Variants in GRB14 observed in about 807,000 individuals in gnomAD.
GRB14 encodes the protein growth factor receptor-bound protein 14.
In GRB14, 38 loss-of-function variants were observed where a neutral mutation model predicts 69.1. That is an observed-to-expected ratio of 0.55 (90% CI 0.42 to 0.72). The LOEUF (loss-of-function observed/expected upper bound fraction) is 0.72. Among genes scored for constraint, GRB14 ranks in the 30% least tolerant of loss-of-function variants. GRB14 has a pLI of 0.00. For missense variants in GRB14, 666 were observed against 666.1 expected (o/e 1.00, Z 0.00); for synonymous variants, 247 against 241.3 (o/e 1.02, Z -0.22).
chr2:164,543,203 A>T (rs1474862348), intron 3 of GRB14, among the ~76,000 whole-genome samples: 2 of 152,070 alleles, frequency 1.3e-5, no homozygotes, highest in Non-Finnish European at 2.9e-5. Context: ...CTGAAGGCTG[A>T]TGCACAAGAA....
chr2:164,555,043 T>G (rs1688643627), intron 2 of GRB14, among the ~76,000 whole-genome samples: 1 of 152,208 alleles, frequency 6.6e-6, no homozygotes, highest in Non-Finnish European at 1.5e-5. Context: ...TCAGTATGTA[T>G]CACCTTGCTC....
Position 164,497,203 on chromosome 2 carries a change from A to G in GRB14, c.1294+8T>C, listed in dbSNP as rs1278961437. 6.2e-7 allele frequency: 1 copy of G among 1,612,382 alleles called. No individual in the cohort carries two copies. Among genetic ancestry groups the G allele is most frequent in the Admixed American group, 1.7e-5 (1 of 59,994 alleles). Reference sequence around the variant, plus strand: ...CTACTCAGTGGCAATGACTATGAACAGACATACCCATGTTTGTGGCAGAGC... The same window carrying G: ...CTACTCAGTGGCAATGACTATGAACGGACATACCCATGTTTGTGGCAGAGC... On this transcript the variant is annotated splice_region_variant and intron_variant, in intron 11 of 13. Transcript: ENST00000263915.
chr2:164,620,137 T>A (rs1411039524), intron 1 of GRB14, among the ~76,000 whole-genome samples: 1 of 139,398 alleles, frequency 7.2e-6, no homozygotes, highest in African/African-American at 2.6e-5. Context: ...AGAAACTCCA[T>A]CACTTTTGAT....
At chr2:164,605,259 G>A (rs1437556190) in intron 2 of GRB14, among the ~76,000 whole-genome samples, 2 of 152,104 alleles carry the variant, frequency 1.3e-5, no homozygotes, top group South Asian at 2.1e-4. Flanking sequence ...GAAATAAAGA[G>A]GAGCCAAAGA....
intron 2 of GRB14, among the ~76,000 whole-genome samples, chr2:164,600,612 G>A (rs1439629898): frequency 6.6e-6 from 1 of 152,158 alleles, no homozygotes; most frequent in Admixed American, 6.5e-5. Context: ...GTCCAAGGAT[G>A]AGACCCAGGG....
At position 164,620,078 on chromosome 2, in the gene GRB14, T is replaced by A. The variant is rs74169433; in HGVS notation, c.192-259A>T. Reference sequence around the variant, plus strand: ...TCTCTCTCTCCCCTCCCACCACCCCTCCCCCCCCCACCGCCTTCTCTCTCT... The same window carrying A: ...TCTCTCTCTCCCCTCCCACCACCCCACCCCCCCCCACCGCCTTCTCTCTCT... On this transcript the variant is annotated intron_variant, in intron 1 of 13. Transcript: ENST00000263915. The A allele has an allele frequency of 1.8e-4, 6 of 32,650 alleles. 1 individual carries two copies. The highest frequency in any genetic ancestry group is 1.0e-3 in the East Asian group (2 of 1,946). The allele number at this position is 32,650 out of a possible 1,614,324, so 2.0% of individuals were successfully genotyped here. A position where few individuals can be genotyped will look rare whatever the true frequency, so the allele number is the denominator to read the frequency against.
intron 2 of GRB14, among the ~76,000 whole-genome samples, chr2:164,555,628 ATAT>A (rs1194667345): frequency 6.6e-6 from 1 of 150,446 alleles, no homozygotes; most frequent in Admixed American, 6.6e-5. Context: ...AATAATTTAA[ATAT>A]TATATTTATT....
chr2:164,550,157 C>T (rs368394884), intron 2 of GRB14, among the ~76,000 whole-genome samples: 1 of 152,056 alleles, frequency 6.6e-6, no homozygotes, highest in South Asian at 2.1e-4. Context: ...GAATTTTAGT[C>T]AATGGAATGT....
chr2:164,526,875 G>T, intron 4 of GRB14, 139 bp downstream of exon 4: 1 of 408,758 alleles, frequency 2.4e-6, no homozygotes, highest in Non-Finnish European at 4.3e-6. Flanking sequence ...AAGAAATATG[G>T]GTATAATTTC....
intron 2 of GRB14, among the ~76,000 whole-genome samples, chr2:164,569,865 T>G (rs1310957972): frequency 1.3e-5 from 2 of 152,100 alleles, no homozygotes; most frequent in Non-Finnish European, 2.9e-5. Flanking sequence ...AAAAGAAAAT[T>G]ACCAAGAAAG....
chr2:164,506,917 C>A (rs1687206139), intron 8 of GRB14, among the ~76,000 whole-genome samples: 1 of 152,020 alleles, frequency 6.6e-6, no homozygotes, highest in Non-Finnish European at 1.5e-5. Context: ...GAAATACCTA[C>A]AATAGGTAAA....
intron 6 of GRB14, among the ~76,000 whole-genome samples, chr2:164,513,001 T>C (rs1687379096): frequency 6.6e-6 from 1 of 152,230 alleles, no homozygotes; most frequent in South Asian, 2.1e-4. Context: ...TCTTTTATCT[T>C]TAAGAACATT....
At position 164,525,027 on chromosome 2, in the gene GRB14, T is replaced by C. The variant is rs746295259; in HGVS notation, c.655A>G (p.Ile219Val). Reference protein sequence around the residue: ...VSFATETNGEISPTQILQMFL... With the variant: ...VSFATETNGEVSPTQILQMFL... ...ACCTGCAAAATCTGTGTGGGGGATA[T>C]TTCACCATTGGTTTCAGTTGCAAAA... The change falls in exon 5 of 14, where the codon ATA becomes GTA. Residue 219 changes from isoleucine (I) to valine (V), a missense_variant. Ile to Val is a conservative substitution (Grantham distance 29, BLOSUM62 3). Transcript: ENST00000263915. 1.3e-6 allele frequency: 2 copies of C among 1,589,730 alleles called. No individual in the cohort carries two copies. The highest frequency in any genetic ancestry group is 1.7e-6 in the Non-Finnish European group (2 of 1,164,164).
intron 6 of GRB14, among the ~76,000 whole-genome samples, chr2:164,515,581 T>C (rs1252351072): frequency 1.3e-5 from 2 of 152,090 alleles, no homozygotes; most frequent in Non-Finnish European, 2.9e-5. Flanking sequence ...CAGCCACAAA[T>C]CTTCCTTTTG....
chr2:164,522,344 C>T (rs1382954906), intron 5 of GRB14, among the ~76,000 whole-genome samples: 1 of 152,022 alleles, frequency 6.6e-6, no homozygotes, highest in Non-Finnish European at 1.5e-5. Flanking sequence ...TGTATACACA[C>T]ACACATACAC....
At chr2:164,551,289 T>C (rs1272957665) in intron 2 of GRB14, among the ~76,000 whole-genome samples, 1 of 152,096 alleles carries the variant, frequency 6.6e-6, no homozygotes, top group Admixed American at 6.6e-5. Context: ...TCACATAACC[T>C]TGGCACACAC....
intron 5 of GRB14, among the ~76,000 whole-genome samples, chr2:164,523,368 G>C (rs948041370): frequency 6.6e-6 from 1 of 151,864 alleles, no homozygotes; most frequent in Non-Finnish European, 1.5e-5. Flanking sequence ...CTGAGCGTTT[G>C]TGCTCAGCAT....
chr2:164,605,944 G>A (rs1310331709), intron 2 of GRB14, among the ~76,000 whole-genome samples: 2 of 152,114 alleles, frequency 1.3e-5, no homozygotes, highest in African/African-American at 4.8e-5. Context: ...GTTTCCACCA[G>A]AGATACCCAA....
Position 164,547,724 on chromosome 2 carries a change from C to T in GRB14, c.417G>A (p.Leu139=). ...TARDVCQLLI[L]KNHYIDDHSW... The stretch of plus-strand genomic sequence containing the variant: ...TGTGGTCATCAATGTAATGATTCTT[C>T]AGGATCAACAGCTGACAAACATCTC... Residue 139 remains leucine, a synonymous_variant, in exon 3 of 14, where the codon CTG becomes CTA. Coordinates refer to ENST00000263915, the MANE Select transcript of GRB14 (RefSeq NM_004490.3). 1.2e-6 allele frequency: 2 copies of T among 1,613,774 alleles called. No individual in the cohort carries two copies. Among genetic ancestry groups the T allele is most frequent in the Non-Finnish European group, 1.7e-6 (2 of 1,179,796 alleles).
Sources: allele counts gnomAD v4.1 joint callset (sites outside exome capture counted in the v4.1 genomes callset), GRCh38; gene constraint gnomAD v4.1.1; transcripts MANE v1.5; gene names NCBI Gene and HGNC (gene_info 2026-07-23, HGNC 2026-07-21).